SCUBE1: variants seen among roughly 807,000 people sequenced by gnomAD.
The protein encoded by SCUBE1 is signal peptide, CUB and EGF-like domain-containing protein 1.
SCUBE1 carries 59 observed loss-of-function variants against 124.4 expected under a neutral mutation model. That is an observed-to-expected ratio of 0.47 (90% CI 0.38 to 0.59). The LOEUF is 0.59. Among genes scored for constraint, SCUBE1 ranks in the 20% least tolerant of loss-of-function variants. The pLI, the probability that SCUBE1 is intolerant of heterozygous loss-of-function variation, is 0.00. For missense variants in SCUBE1, 1,150 were observed against 1,371.2 expected (o/e 0.84, Z 2.55); for synonymous variants, 545 against 550.9 (o/e 0.99, Z 0.15).
chr22:43,335,962 T>C (rs1927065411), intron 2 of SCUBE1, among the ~76,000 whole-genome samples: 1 of 151,838 alleles, frequency 6.6e-6, no homozygotes, highest in African/African-American at 2.4e-5. Flanking sequence ...ATAATGATGA[T>C]GGTGATGATG....
At chr22:43,317,835 G>A (rs947153693) in intron 3 of SCUBE1, among the ~76,000 whole-genome samples, 11 of 152,196 alleles carry the variant, frequency 7.2e-5, no homozygotes, top group African/African-American at 2.4e-4. Flanking sequence ...AGATGTCCAG[G>A]TTAAGATGAG....
chr22:43,242,446 G>A (rs1311547653), intron 6 of SCUBE1, among the ~76,000 whole-genome samples: 1 of 152,230 alleles, frequency 6.6e-6, no homozygotes, highest in African/African-American at 2.4e-5. Context: ...AGCAAACGGG[G>A]CCCCGAGGCT....
At position 43,234,610 on chromosome 22, in the gene SCUBE1, G is replaced by A. The variant is rs907646722; in HGVS notation, c.845-2735C>T. On this transcript the variant is annotated intron_variant, in intron 7 of 21. Transcript: ENST00000360835. The surrounding 1 kb of genome is among the most constrained non-coding windows in gnomAD (Gnocchi z 4.4). ...GAAGCCCCCTCCTCACACTACCTCA[G>A]GATATAGTGAAGGGGGTGCTGGGCT... 3.3e-5 allele frequency among the ~76,000 whole-genome samples: 5 copies of A among 152,204 alleles called. No homozygotes were observed. The highest frequency in any genetic ancestry group is 9.6e-5 in the African/African-American group (4 of 41,454).
At chr22:43,229,835 C>A (rs1459142512) in intron 8 of SCUBE1, among the ~76,000 whole-genome samples, 2 of 152,072 alleles carry the variant, frequency 1.3e-5, no homozygotes, top group Non-Finnish European at 2.9e-5. Flanking sequence ...AATGAACCAC[C>A]ATGTTGACTG....
intron 3 of SCUBE1, 94 bp from the exon 4 acceptor site, chr22:43,291,274 T>C (rs1925347396): frequency 7.2e-7 from 1 of 1,387,822 alleles, no homozygotes; most frequent in Admixed American, 1.8e-5. Context: ...GTGAATTTCC[T>C]CACATGGCCC....
chr22:43,295,150 C>T (rs904374685), intron 3 of SCUBE1, among the ~76,000 whole-genome samples: 8 of 152,158 alleles, frequency 5.3e-5, no homozygotes, highest in South Asian at 2.1e-4. Context: ...GCGGTAGTGA[C>T]GAAGGTTCCC....
At chr22:43,283,169 GA>G (rs1404450522) in intron 4 of SCUBE1, 5 of 152,262 alleles carry the variant, frequency 3.3e-5, no homozygotes, top group African/African-American at 1.2e-4. Context: ...TATTGGGCAG[GA>G]AGGTTCCTCT....
intron 3 of SCUBE1, among the ~76,000 whole-genome samples, chr22:43,300,526 G>A (rs1352381223): frequency 2.6e-5 from 4 of 152,104 alleles, no homozygotes; most frequent in East Asian, 3.9e-4. Flanking sequence ...CCAGGTGGGC[G>A]TGGCGTCTCC....
At chr22:43,291,258 G>A (rs1925346889) in intron 3 of SCUBE1, 78 bp from the exon 4 acceptor site, 21 of 1,495,374 alleles carry the variant, frequency 1.4e-5, no homozygotes, top group Non-Finnish European at 1.9e-5. Context: ...GCGGGACAGG[G>A]ATGCAGTGAA....
intron 5 of SCUBE1, among the ~76,000 whole-genome samples, chr22:43,260,079 G>A (rs993380468): frequency 2.6e-5 from 4 of 152,200 alleles, no homozygotes; most frequent in Non-Finnish European, 4.4e-5. Flanking sequence ...GCTGGACGTC[G>A]TGTGTCTTTC....
At chr22:43,297,852 T>C (rs922243661) in intron 3 of SCUBE1, among the ~76,000 whole-genome samples, 127 of 152,356 alleles carry the variant, frequency 8.3e-4, no homozygotes, top group African/African-American at 2.8e-3. Context: ...AGAGACTCCG[T>C]GTTCTGCTTG....
Position 43,319,932 on chromosome 22 carries a change from C to T in SCUBE1, c.349+5G>A. 1.2e-6 allele frequency: 2 copies of T among 1,613,966 alleles called. No homozygotes were observed. Among genetic ancestry groups the T allele is most frequent in the Non-Finnish European group, 8.5e-7 (1 of 1,179,890 alleles). On this transcript the variant is annotated splice_donor_5th_base_variant and intron_variant, in intron 3 of 21. Coordinates refer to ENST00000360835, the MANE Select transcript of SCUBE1 (RefSeq NM_173050.5). The stretch of plus-strand genomic sequence containing the variant: ...CAGAGGGTAGGCTACAGCTGTATCA[C>T]TCACCCAGGCAGTTGTGTCCATCGT...
chr22:43,221,973 A>G (rs1922108887), intron 12 of SCUBE1, among the ~76,000 whole-genome samples: 1 of 152,144 alleles, frequency 6.6e-6, no homozygotes, highest in East Asian at 1.9e-4. Context: ...CTGAGGCAGG[A>G]GAATTGCTTG....
Position 43,211,092 on chromosome 22 carries a change from G to A in SCUBE1, c.2222-9C>T. The A allele has an allele frequency of 6.2e-6, 10 of 1,604,448 alleles. No individual in the cohort carries two copies. Among genetic ancestry groups the A allele is most frequent in the Non-Finnish European group, 8.5e-6 (10 of 1,175,206 alleles). Reference sequence around the variant, plus strand: ...GCCGGGGGAGCAGTGCACTGCCGGGGGACACAAGGCAGTGTGGTGGGTGTG... The same window carrying A: ...GCCGGGGGAGCAGTGCACTGCCGGGAGACACAAGGCAGTGTGGTGGGTGTG... On this transcript the variant is annotated splice_polypyrimidine_tract_variant and intron_variant, in intron 17 of 21. Coordinates refer to ENST00000360835, the MANE Select transcript of SCUBE1 (RefSeq NM_173050.5). This position sits in a 1 kb window ranked among gnomAD's most constrained non-coding sequence, Gnocchi z 4.5.
At chr22:43,318,355 A>G (rs117742437) in intron 3 of SCUBE1, 1 of 152,308 alleles carries the variant, frequency 6.6e-6, no homozygotes, top group East Asian at 1.9e-4. Flanking sequence ...TGTCTCTACA[A>G]AAAAACCCAA....
At chr22:43,319,131 G>A (rs1192778968) in intron 3 of SCUBE1, among the ~76,000 whole-genome samples, 2 of 152,248 alleles carry the variant, frequency 1.3e-5, no homozygotes, top group East Asian at 3.9e-4. Flanking sequence ...TTTGTTGAAG[G>A]AATTCAACAC....
intron 9 of SCUBE1, among the ~76,000 whole-genome samples, chr22:43,227,906 C>T (rs1265064026): frequency 2.0e-5 from 3 of 152,170 alleles, no homozygotes; most frequent in African/African-American, 7.2e-5. Context: ...GTACAACAGA[C>T]ACCAGGGTGA....
chr22:43,207,183 C>G (rs1921325866), intron 21 of SCUBE1, among the ~76,000 whole-genome samples: 1 of 152,214 alleles, frequency 6.6e-6, no homozygotes, highest in Non-Finnish European at 1.5e-5. Flanking sequence ...GACAATGGCA[C>G]TGGGTAGATC....
At chr22:43,214,651 C>T (rs1921730445) in intron 15 of SCUBE1, among the ~76,000 whole-genome samples, 2 of 152,198 alleles carry the variant, frequency 1.3e-5, no homozygotes, top group African/African-American at 4.8e-5. Flanking sequence ...GCTCCCCTGT[C>T]CTTCCTGAGT....
Sources: allele counts gnomAD v4.1 joint callset (sites outside exome capture counted in the v4.1 genomes callset), GRCh38; gene constraint gnomAD v4.1.1; non-coding constraint Gnocchi (gnomAD v3.1); transcripts MANE v1.5; gene names NCBI Gene and HGNC (gene_info 2026-07-23, HGNC 2026-07-21).